The following AGBL4 variants were observed in gnomAD, a reference collection of about 807,000 sequenced individuals.
AGBL4 encodes cytosolic carboxypeptidase 6.
In AGBL4, 58 loss-of-function variants were observed where a neutral mutation model predicts 66.4. That is an observed-to-expected ratio of 0.87 (90% CI 0.71 to 1.09). The LOEUF is 1.09. Ranked by LOEUF, AGBL4 falls within the 50% of genes least tolerant of loss-of-function variation. The pLI is 0.00. For synonymous variants in AGBL4, 234 were observed against 222.9 expected (o/e 1.05, Z -0.44); for missense variants, 579 against 631.0 (o/e 0.92, Z 0.88).
chr1:48,988,255 C>T (rs1231938571), intron 5 of AGBL4, among the ~76,000 whole-genome samples: 2 of 152,092 alleles, frequency 1.3e-5, no homozygotes, highest in Non-Finnish European at 2.9e-5. Flanking sequence ...AATACCTTCT[C>T]CACTGTAATG....
intron 2 of AGBL4, among the ~76,000 whole-genome samples, chr1:49,790,827 A>G (rs1249347918): frequency 6.6e-6 from 1 of 152,212 alleles, no homozygotes; most frequent in Admixed American, 6.5e-5. Flanking sequence ...ACCTGTATCT[A>G]CAAGAAAGAG....
At chr1:49,984,702 CTT>C (rs1369684030) in intron 1 of AGBL4, among the ~76,000 whole-genome samples, 1 of 152,148 alleles carries the variant, frequency 6.6e-6, no homozygotes. Context: ...TTTATAAAGA[CTT>C]TGTGATTTTT....
chr1:49,362,246 C>G (rs1020348571), intron 3 of AGBL4, among the ~76,000 whole-genome samples: 4 of 151,956 alleles, frequency 2.6e-5, no homozygotes, highest in Admixed American at 2.6e-4. Context: ...CTACAGAGAA[C>G]CCCACACAAC....
intron 3 of AGBL4, among the ~76,000 whole-genome samples, chr1:49,696,916 C>A (rs997419702): frequency 6.6e-6 from 1 of 152,130 alleles, no homozygotes; most frequent in Admixed American, 6.6e-5. Flanking sequence ...AGAAAAGCTT[C>A]TCTTTTGAAA....
chr1:49,097,171 T>A (rs1571438964), intron 4 of AGBL4, among the ~76,000 whole-genome samples: 1 of 152,226 alleles, frequency 6.6e-6, no homozygotes, highest in Non-Finnish European at 1.5e-5. Context: ...TACTCCTGTA[T>A]ACCCAACAGA....
chr1:49,094,619 G>A (rs1207031761), intron 4 of AGBL4, among the ~76,000 whole-genome samples: 4 of 152,048 alleles, frequency 2.6e-5, no homozygotes, highest in Admixed American at 2.0e-4. Flanking sequence ...TTGCATCGAT[G>A]TTCATCAGGG....
chr1:48,720,384 A>G (rs1647125690), intron 6 of AGBL4, among the ~76,000 whole-genome samples: 1 of 152,338 alleles, frequency 6.6e-6, no homozygotes, highest in South Asian at 2.1e-4. Context: ...TTTCAGATGG[A>G]AAAAACAGCT....
At chr1:49,919,775 T>C (rs1481813806) in intron 1 of AGBL4, among the ~76,000 whole-genome samples, 3 of 152,042 alleles carry the variant, frequency 2.0e-5, no homozygotes, top group African/African-American at 4.8e-5. Context: ...GAGCCCGCAT[T>C]GCCAAGACAA....
chr1:49,105,658 G>A (rs1168547286), intron 4 of AGBL4, among the ~76,000 whole-genome samples: 1 of 152,184 alleles, frequency 6.6e-6, no homozygotes, highest in African/African-American at 2.4e-5. Context: ...GTGTGACATA[G>A]TAGCTGTGTA....
intron 3 of AGBL4, among the ~76,000 whole-genome samples, chr1:49,442,985 A>C (rs964678961): frequency 2.6e-5 from 4 of 152,150 alleles, no homozygotes; most frequent in Non-Finnish European, 4.4e-5. Flanking sequence ...GACTTGAGTA[A>C]AGATAACTCA....
chr1:49,680,528 C>T (rs994669130), intron 3 of AGBL4, among the ~76,000 whole-genome samples: 1 of 151,976 alleles, frequency 6.6e-6, no homozygotes, highest in African/African-American at 2.4e-5. Context: ...TTTTCTATAC[C>T]ACTTGAAAAT....
chr1:49,456,405 A>T (rs1391221803), intron 3 of AGBL4, among the ~76,000 whole-genome samples: 1 of 151,738 alleles, frequency 6.6e-6, no homozygotes. Context: ...CTAGAGGTTC[A>T]AGAGGCTCTT....
At chr1:49,055,448 A>T (rs955229176) in intron 4 of AGBL4, among the ~76,000 whole-genome samples, 1 of 152,100 alleles carries the variant, frequency 6.6e-6, no homozygotes, top group African/African-American at 2.4e-5. Context: ...CTGAGTACCT[A>T]CAGAGAAAAT....
intron 6 of AGBL4, among the ~76,000 whole-genome samples, chr1:48,752,350 A>G (rs1285578367): frequency 6.6e-6 from 1 of 152,212 alleles, no homozygotes; most frequent in Non-Finnish European, 1.5e-5. Flanking sequence ...AAAAAAATCT[A>G]GGAGGTCAAA....
At chr1:49,603,012 T>A (rs1644991602) in intron 3 of AGBL4, among the ~76,000 whole-genome samples, 1 of 152,110 alleles carries the variant, frequency 6.6e-6, no homozygotes, top group South Asian at 2.1e-4. Context: ...CCCCTTTTTA[T>A]AAATTAGGAA....
At chr1:49,976,235 G>A (rs778670528) in intron 1 of AGBL4, among the ~76,000 whole-genome samples, 6 of 152,054 alleles carry the variant, frequency 3.9e-5, no homozygotes, top group Non-Finnish European at 7.4e-5. Context: ...TCTTTCCTCA[G>A]ACAAGTCTTC....
intron 1 of AGBL4, among the ~76,000 whole-genome samples, chr1:50,006,466 A>G (rs1572047525): frequency 6.6e-6 from 1 of 152,208 alleles, no homozygotes; most frequent in East Asian, 1.9e-4. Context: ...TAGAAAACCA[A>G]GCAGATTTAA....
chr1:48,987,937 G>C (rs928274154), intron 5 of AGBL4, among the ~76,000 whole-genome samples: 1 of 151,922 alleles, frequency 6.6e-6, no homozygotes, highest in Non-Finnish European at 1.5e-5. Context: ...TCTCATGCTG[G>C]GCACTCTTCC....
Position 49,122,441 on chromosome 1 carries a change from C to G in AGBL4, c.378-76641G>C, listed in dbSNP as rs930984004. ...ATTTGATGAAATGTGGTATGTCACA[C>G]CACATAAATAAAATGCTGCAGGCCA... On this transcript the variant is annotated intron_variant, in intron 4 of 13. Coordinates refer to ENST00000371839, the MANE Select transcript of AGBL4 (RefSeq NM_032785.4). Among the ~76,000 whole-genome samples the G allele has an allele frequency of 2.0e-5, 3 of 152,092 alleles. 1 individual carries two copies. Among genetic ancestry groups the G allele is most frequent in the Non-Finnish European group, 2.9e-5 (2 of 68,012 alleles).
Sources: allele counts gnomAD v4.1 joint callset (sites outside exome capture counted in the v4.1 genomes callset), GRCh38; gene constraint gnomAD v4.1.1; transcripts MANE v1.5; gene names NCBI Gene and HGNC (gene_info 2026-07-23, HGNC 2026-07-21).